Variants in PRKN observed in about 807,000 individuals in gnomAD.
The protein encoded by PRKN is parkin RBR E3 ubiquitin protein ligase.
PRKN carries 56 observed loss-of-function variants against 59.5 expected under a neutral mutation model. The ratio of observed to expected loss-of-function variants is 0.94; its 90% CI spans 0.76 to 1.18. The LOEUF is 1.18. Ranked by LOEUF, PRKN falls within the 50% of genes most tolerant of loss-of-function variation. The probability of loss-of-function intolerance (pLI) is 0.00; values close to 1 mark genes in which losing one functional copy is unlikely to be tolerated. For synonymous variants in PRKN, 250 were observed against 222.1 expected (o/e 1.13, Z -1.12); for missense variants, 657 against 596.4 (o/e 1.10, Z -1.06).
In PRKN at chr6:161,973,609, T is replaced by G. The variant is rs1019026185; in HGVS notation, c.619-192A>C. ...GCCAAAGTGGTCAACAATTCTGTTT[T>G]AGAAGGGCCCTGAGTCTCTGCTATT... On this transcript the variant is annotated intron_variant, in intron 5 of 11. Coordinates refer to ENST00000366898, the MANE Select transcript of PRKN (RefSeq NM_004562.3). 2.8e-4 allele frequency among the ~76,000 whole-genome samples: 43 copies of G among 152,198 alleles called. 1 individual carries two copies. The highest frequency in any genetic ancestry group is 2.4e-3 in the Admixed American group (36 of 15,284).
chr6:162,056,036 CCA>C lies in PRKN; in HGVS notation c.535-1864_535-1863del, dbSNP rs202219383. Among the ~76,000 whole-genome samples the C allele has an allele frequency of 0.018, 2,765 of 150,060 alleles. 88 individuals carry two copies. Among genetic ancestry groups the C allele is most frequent in the African/African-American group, 0.063 (2,602 of 40,988 alleles). ...ATGCACGCACACAGCATGCCACACA[CCA>C]CACATGCATAAACACACCACATACA... On this transcript the variant is annotated intron_variant, in intron 4 of 11. Transcript: ENST00000366898. The surrounding 1 kb of genome is among the most constrained non-coding windows in gnomAD (Gnocchi z 4.9).
chr6:161,851,434 T>A (rs1028281968), intron 6 of PRKN, among the ~76,000 whole-genome samples: 6 of 152,102 alleles, frequency 3.9e-5, no homozygotes, highest in African/African-American at 1.4e-4. Context: ...ATATTATGTT[T>A]CAGAAGCTTT....
At chr6:162,003,147 G>T (rs1369286653) in intron 5 of PRKN, among the ~76,000 whole-genome samples, 1 of 149,966 alleles carries the variant, frequency 6.7e-6, no homozygotes, top group African/African-American at 2.5e-5. Flanking sequence ...ATCAATGGCT[G>T]CAATGAGAAA....
chr6:161,802,241 T>C (rs1791112781), intron 6 of PRKN, among the ~76,000 whole-genome samples: 1 of 152,024 alleles, frequency 6.6e-6, no homozygotes, highest in African/African-American at 2.4e-5. Flanking sequence ...CCCCTGGTCA[T>C]TCAGAAAAAG....
intron 1 of PRKN, among the ~76,000 whole-genome samples, chr6:162,687,805 G>A (rs1035201884): frequency 1.3e-5 from 2 of 152,128 alleles, no homozygotes; most frequent in East Asian, 3.9e-4. Flanking sequence ...CAAGGGTGTT[G>A]CCAGCCCACA....
intron 7 of PRKN, among the ~76,000 whole-genome samples, chr6:161,609,300 C>A (rs1483112346): frequency 6.6e-6 from 1 of 152,152 alleles, no homozygotes; most frequent in Non-Finnish European, 1.5e-5. Flanking sequence ...ACTCTAAGAG[C>A]ACTTTTGATA....
At chr6:162,338,387 C>A (rs575670143) in intron 2 of PRKN, among the ~76,000 whole-genome samples, 1 of 151,306 alleles carries the variant, frequency 6.6e-6, no homozygotes, top group Admixed American at 6.6e-5. Flanking sequence ...CTCAGCCTGC[C>A]GAGTGCCTGC....
At chr6:162,021,545 G>A (rs1442934982) in intron 5 of PRKN, among the ~76,000 whole-genome samples, 5 of 146,692 alleles carry the variant, frequency 3.4e-5, no homozygotes, top group Admixed American at 6.9e-5. Context: ...CCCTTCCTCC[G>A]TGACTAAAAT....
rs957752868 is a variant in PRKN at position 161,448,766 on chromosome 6, G to A, written c.1084-61889C>T. ...ATCTGGGAAGCCATGAGCCACAGGA[G>A]CATTAGCTGTTCCTCTACCCTTTCG... On this transcript the variant is annotated intron_variant, in intron 9 of 11. Coordinates refer to ENST00000366898, the MANE Select transcript of PRKN (RefSeq NM_004562.3). The surrounding 1 kb of genome is among the most constrained non-coding windows in gnomAD (Gnocchi z 5.1). Among the ~76,000 whole-genome samples, 18 of 152,240 alleles carry A rather than the reference G, an allele frequency of 1.2e-4. No homozygotes were observed. The highest frequency in any genetic ancestry group is 4.3e-4 in the African/African-American group (18 of 41,470).
At chr6:162,021,453 ATATATATATTTTT>A (rs1562465931) in intron 5 of PRKN, among the ~76,000 whole-genome samples, 1 of 10,372 alleles carries the variant, frequency 9.6e-5, no homozygotes, top group Non-Finnish European at 2.3e-4. Context: ...ATATATATAT[ATATATATATTTTT>A]TTTTTTTTTT....
Position 162,262,730 on chromosome 6 carries a change from A to G in PRKN, c.207T>C (p.Ile69=). The G allele has an allele frequency of 6.2e-7, 1 of 1,612,002 alleles. No homozygotes were observed. The change falls in exon 3 of 12, where the codon ATT becomes ATC. Residue 69 remains isoleucine (I), a synonymous_variant. Coordinates refer to ENST00000366898, the MANE Select transcript of PRKN (RefSeq NM_004562.3). The part of the protein sequence containing the change: ...CDLDQQSIVH[I]VQRPWRKGQE... Reference sequence around the variant, plus strand: ...GACCTTTTCTCCACGGTCTCTGCACAATGTGAACAATGCTCTGCTGATCCA... The same window carrying G: ...GACCTTTTCTCCACGGTCTCTGCACGATGTGAACAATGCTCTGCTGATCCA...
At chr6:162,657,371 T>C (rs1778681745) in intron 1 of PRKN, among the ~76,000 whole-genome samples, 1 of 152,118 alleles carries the variant, frequency 6.6e-6, no homozygotes, top group Non-Finnish European at 1.5e-5. Context: ...GTGGGTATGA[T>C]CAAAATCCCC....
chr6:161,742,510 C>T (rs1174423749), intron 7 of PRKN, among the ~76,000 whole-genome samples: 1 of 152,130 alleles, frequency 6.6e-6, no homozygotes, highest in Non-Finnish European at 1.5e-5. Flanking sequence ...GCTTTCAAAA[C>T]AATATTTTAG....
At chr6:162,405,858 C>G (rs1423093498) in intron 2 of PRKN, among the ~76,000 whole-genome samples, 1 of 152,124 alleles carries the variant, frequency 6.6e-6, no homozygotes, top group Admixed American at 6.5e-5. Flanking sequence ...GTTCTAGACT[C>G]CAGACCTGGG....
At chr6:161,869,745 C>G (rs959648935) in intron 6 of PRKN, among the ~76,000 whole-genome samples, 3 of 152,108 alleles carry the variant, frequency 2.0e-5, no homozygotes, top group Non-Finnish European at 4.4e-5. Context: ...TGTCTTCTCC[C>G]TTTTGTTTTC....
chr6:161,944,928 G>C (rs935517290), intron 6 of PRKN, among the ~76,000 whole-genome samples: 9 of 152,250 alleles, frequency 5.9e-5, no homozygotes, highest in Middle Eastern at 3.4e-3. Context: ...AAGGAAACTA[G>C]CTATTTGCAT....
intron 6 of PRKN, among the ~76,000 whole-genome samples, chr6:161,869,899 G>A (rs1794275822): frequency 6.6e-6 from 1 of 151,716 alleles, no homozygotes; most frequent in African/African-American, 2.4e-5. Context: ...CATGTGGGAA[G>A]ATAATCTACA....
intron 7 of PRKN, among the ~76,000 whole-genome samples, chr6:161,580,833 C>T (rs918831584): frequency 4.0e-5 from 6 of 151,842 alleles, no homozygotes; most frequent in Admixed American, 2.0e-4. Context: ...TCAATAGACA[C>T]GGATATCGTT....
At chr6:162,614,811 G>A (rs1424988906) in intron 1 of PRKN, among the ~76,000 whole-genome samples, 2 of 152,132 alleles carry the variant, frequency 1.3e-5, no homozygotes, top group African/African-American at 2.4e-5. Flanking sequence ...AGCATAGAAA[G>A]AGCCATATAC....
Sources: gnomAD v4.1 joint callset for allele counts (sites outside exome capture counted in the v4.1 genomes callset) on GRCh38, gnomAD v4.1.1 for gene constraint, Gnocchi (gnomAD v3.1) non-coding constraint, MANE v1.5 for transcripts, NCBI Gene and HGNC (gene_info 2026-07-23, HGNC 2026-07-21) for gene names.